Variants in CCDC148 observed in about 807,000 individuals in gnomAD.
CCDC148 encodes the protein coiled-coil domain-containing protein 148.
A neutral mutation model predicts 85.7 loss-of-function variants in CCDC148; 89 were observed. That is an observed-to-expected ratio of 1.04 (90% CI 0.87 to 1.24). The LOEUF (loss-of-function observed/expected upper bound fraction) is 1.24, where lower values mean the gene tolerates loss of function less well. CCDC148 is among the 50% of genes most tolerant of loss of function. The pLI is 0.00. For missense variants in CCDC148, 692 were observed against 671.7 expected (o/e 1.03, Z -0.33); for synonymous variants, 230 against 213.9 (o/e 1.08, Z -0.66).
At chr2:158,262,296 T>A (rs1162426017) in intron 9 of CCDC148, among the ~76,000 whole-genome samples, 1 of 151,926 alleles carries the variant, frequency 6.6e-6, no homozygotes, top group Non-Finnish European at 1.5e-5. Flanking sequence ...AACTTATCCT[T>A]TAGCTAAAGG....
chr2:158,313,800 C>A lies in CCDC148; in HGVS notation c.859G>T (p.Asp287Tyr), dbSNP rs535400542. Residue 287 changes from aspartate (D) to tyrosine (Y), a missense_variant, in exon 8 of 14, where the codon GAC becomes TAC. Asp to Tyr is a radical substitution (Grantham distance 160). Transcript: ENST00000283233. ...DLFGRRTLYL[D>Y]MLQRYFPHKS... The stretch of plus-strand genomic sequence containing the variant: ...TGAGGAAAATATCTTTGTAACATGT[C>A]CAGATACAGAGTCCTTCTTCCAAAG... 6.2e-7 allele frequency: 1 copy of A among 1,613,944 alleles called. No individual in the cohort carries two copies. The highest frequency in any genetic ancestry group is 8.5e-7 in the Non-Finnish European group (1 of 1,179,916).
chr2:158,439,072 T>C (rs1490818985), intron 1 of CCDC148, among the ~76,000 whole-genome samples: 2 of 152,138 alleles, frequency 1.3e-5, no homozygotes, highest in Non-Finnish European at 2.9e-5. Context: ...GTGTGGCGAT[T>C]CCTCAGGGAT....
intron 1 of CCDC148, among the ~76,000 whole-genome samples, chr2:158,450,244 G>A (rs535017200): frequency 3.9e-5 from 6 of 152,212 alleles, no homozygotes; most frequent in South Asian, 2.1e-4. Context: ...CTACCTCTAC[G>A]AAGCAGACAA....
rs57287790 is a variant in CCDC148 at position 158,433,091 on chromosome 2, A to ATATAT, written c.25+23323_25+23324insATATA. On this transcript the variant is annotated intron_variant, in intron 1 of 13. Coordinates refer to ENST00000283233, the MANE Select transcript of CCDC148 (RefSeq NM_138803.4). ...CATCTCTACAAAAAAAAAAAAAAAA[A>ATATAT]ATATATATATATATATATATGACTT... Among the ~76,000 whole-genome samples, 409 of 51,290 alleles carry ATATAT rather than the reference A, an allele frequency of 8.0e-3. 2 individuals are homozygous for ATATAT. Among genetic ancestry groups the ATATAT allele is most frequent in the African/African-American group, 9.5e-3 (173 of 18,178 alleles). The allele number at this position is 51,290 out of a possible 152,430, so 33.6% of individuals were successfully genotyped here.
chr2:158,423,061 C>A (rs1320398890), intron 1 of CCDC148, among the ~76,000 whole-genome samples: 1 of 152,158 alleles, frequency 6.6e-6, no homozygotes, highest in Non-Finnish European at 1.5e-5. Context: ...CTACAAACCA[C>A]TGCTCAACGA....
At chr2:158,321,878 C>T (rs1403971421) in intron 7 of CCDC148, among the ~76,000 whole-genome samples, 1 of 152,104 alleles carries the variant, frequency 6.6e-6, no homozygotes, top group Admixed American at 6.6e-5. Context: ...ATAGATTTCT[C>T]TTTTGGCAAA....
intron 11 of CCDC148, among the ~76,000 whole-genome samples, chr2:158,190,175 A>G (rs1241844471): frequency 6.6e-6 from 1 of 151,956 alleles, no homozygotes; most frequent in African/African-American, 2.4e-5. Flanking sequence ...AGGAGCCATG[A>G]ATGCTAAAAG....
chr2:158,226,291 T>G (rs1339398373), intron 10 of CCDC148, among the ~76,000 whole-genome samples: 1 of 151,986 alleles, frequency 6.6e-6, no homozygotes, highest in African/African-American at 2.4e-5. Context: ...AATAACAGGC[T>G]CTGAAATTGA....
intron 2 of CCDC148, among the ~76,000 whole-genome samples, chr2:158,346,571 C>T (rs1011415809): frequency 1.3e-5 from 2 of 152,172 alleles, no homozygotes; most frequent in Non-Finnish European, 2.9e-5. Flanking sequence ...TACTCTAAAT[C>T]CTCAAGTGAT....
intron 1 of CCDC148, among the ~76,000 whole-genome samples, chr2:158,426,329 T>C (rs1027211666): frequency 3.3e-5 from 5 of 152,086 alleles, no homozygotes; most frequent in East Asian, 1.9e-4. Flanking sequence ...CTGAGGAAGC[T>C]GTATTACAGT....
intron 7 of CCDC148, among the ~76,000 whole-genome samples, chr2:158,331,967 C>T (rs1250824743): frequency 1.3e-5 from 2 of 152,094 alleles, no homozygotes; most frequent in African/African-American, 4.8e-5. Context: ...TCCAATTTGC[C>T]AGTCTGTGTC....
At chr2:158,213,359 C>T (rs929074708) in intron 11 of CCDC148, among the ~76,000 whole-genome samples, 2 of 151,828 alleles carry the variant, frequency 1.3e-5, no homozygotes, top group Non-Finnish European at 2.9e-5. Flanking sequence ...AAAATTAGCA[C>T]AAAGGAGGTA....
chr2:158,208,511 G>T (rs930251840), intron 11 of CCDC148, among the ~76,000 whole-genome samples: 4 of 152,138 alleles, frequency 2.6e-5, no homozygotes, highest in African/African-American at 9.7e-5. Context: ...CAGAGAAGCA[G>T]GGCCTGTCGA....
At chr2:158,290,278 C>A (rs1262392453) in intron 9 of CCDC148, among the ~76,000 whole-genome samples, 1 of 152,174 alleles carries the variant, frequency 6.6e-6, no homozygotes, top group Non-Finnish European at 1.5e-5. Context: ...CCACTCAGGA[C>A]ACATTGTCAG....
intron 9 of CCDC148, among the ~76,000 whole-genome samples, chr2:158,296,167 T>TCCC (rs1364496652): frequency 6.6e-6 from 1 of 152,156 alleles, no homozygotes; most frequent in Non-Finnish European, 1.5e-5. Context: ...TCATAAAAAT[T>TCCC]CCCCCAAGTT....
At chr2:158,328,032 T>A (rs988972358) in intron 7 of CCDC148, among the ~76,000 whole-genome samples, 2 of 152,150 alleles carry the variant, frequency 1.3e-5, no homozygotes, top group Admixed American at 6.5e-5. Flanking sequence ...TCTTTTTTTT[T>A]TATTTAAGTT....
Position 158,318,863 on chromosome 2 carries a change from G to A in CCDC148, c.765-4969C>T, listed in dbSNP as rs115041117. ...TGGCTCATTGCAGCCTTGAACTCCT[G>A]GATTCAAGCAGTCCTTCTGCCTTAG... is the stretch of plus-strand genomic sequence containing the variant. On this transcript the variant is annotated intron_variant, in intron 7 of 13. Coordinates refer to ENST00000283233, the MANE Select transcript of CCDC148 (RefSeq NM_138803.4). Among the ~76,000 whole-genome samples the A allele has an allele frequency of 7.4e-3, 1,121 of 151,906 alleles. 18 individuals are homozygous for A. Among genetic ancestry groups the A allele is most frequent in the African/African-American group, 0.026 (1,069 of 41,342 alleles).
intron 11 of CCDC148, among the ~76,000 whole-genome samples, chr2:158,216,381 C>G (rs1478977224): frequency 8.1e-6 from 1 of 122,768 alleles, no homozygotes; most frequent in South Asian, 2.9e-4. Flanking sequence ...ACAAAAAGCA[C>G]AATACTTTTT....
Position 158,178,959 on chromosome 2 carries a change from T to C in CCDC148, c.1408A>G (p.Met470Val), listed in dbSNP as rs1684733867. ...YRQELLERRL[M>V]EKKEVALQEA... The stretch of plus-strand genomic sequence containing the variant: ...TGAAGGGCCACTTCCTTTTTCTCCA[T>C]CAAACGCCTTTCCAATAATTCTTGT... The change falls in exon 12 of 14, where the codon ATG (methionine) becomes GTG (valine). Residue 470 changes from methionine (M) to valine (V), a missense_variant. By Grantham distance (21) the Met-to-Val change is conservative. Coordinates refer to ENST00000283233, the MANE Select transcript of CCDC148 (RefSeq NM_138803.4). 1 of 1,613,498 alleles carries C rather than the reference T, an allele frequency of 6.2e-7. No individual in the cohort carries two copies. The highest frequency in any genetic ancestry group is 2.2e-5 in the East Asian group (1 of 44,790).
Sources: gnomAD v4.1 joint callset for allele counts (sites outside exome capture counted in the v4.1 genomes callset) on GRCh38, gnomAD v4.1.1 for gene constraint, MANE v1.5 for transcripts, NCBI Gene and HGNC (gene_info 2026-07-23, HGNC 2026-07-21) for gene names.